Variants in NRXN3 observed in about 807,000 individuals in gnomAD.
The protein encoded by NRXN3 is neurexin 3, also known as neurexin III.
A neutral mutation model predicts 137.6 loss-of-function variants in NRXN3; 32 were observed. The observed-to-expected ratio is 0.23, with a 90% confidence interval of 0.18 to 0.31. The LOEUF (loss-of-function observed/expected upper bound fraction) is 0.31. Ranked by LOEUF, NRXN3 falls within the 10% of genes least tolerant of loss-of-function variation. NRXN3 has a pLI of 1.00. For missense variants in NRXN3, 1,574 were observed against 2,062.5 expected (o/e 0.76, Z 4.59); for synonymous variants, 798 against 784.5 (o/e 1.02, Z -0.29).
intron 15 of NRXN3, among the ~76,000 whole-genome samples, chr14:79,012,151 T>C (rs2099572314): frequency 6.6e-6 from 1 of 152,216 alleles, no homozygotes; most frequent in East Asian, 1.9e-4. Flanking sequence ...ATACCTACTA[T>C]GTGCTGAGCA....
intron 15 of NRXN3, among the ~76,000 whole-genome samples, chr14:79,099,932 G>A (rs980623029): frequency 5.9e-5 from 9 of 152,128 alleles, no homozygotes; most frequent in Admixed American, 1.3e-4. Context: ...GGTCTTGGCC[G>A]TGATGGAAGT....
At chr14:78,628,217 C>T (rs1389430037) in intron 4 of NRXN3, among the ~76,000 whole-genome samples, 1 of 152,080 alleles carries the variant, frequency 6.6e-6, no homozygotes, top group East Asian at 1.9e-4. Flanking sequence ...GGACTATAGA[C>T]ACATGCCACC....
At chr14:78,589,186 C>T (rs1431015478) in intron 4 of NRXN3, among the ~76,000 whole-genome samples, 1 of 152,152 alleles carries the variant, frequency 6.6e-6, no homozygotes, top group African/African-American at 2.4e-5. Flanking sequence ...CGTTTAAGGC[C>T]TTTCTAGACT....
At chr14:78,395,383 G>T (rs2091332693) in intron 4 of NRXN3, among the ~76,000 whole-genome samples, 1 of 151,816 alleles carries the variant, frequency 6.6e-6, no homozygotes, top group Non-Finnish European at 1.5e-5. Context: ...TCTAATGTTG[G>T]TTGGCACATG....
At chr14:78,838,329 T>G (rs2099002708) in intron 10 of NRXN3, among the ~76,000 whole-genome samples, 1 of 152,194 alleles carries the variant, frequency 6.6e-6, no homozygotes, top group South Asian at 2.1e-4. Context: ...ATTACCTCGT[T>G]CTTGTAACAT....
chr14:79,060,542 G>A (rs2099672911), intron 15 of NRXN3, among the ~76,000 whole-genome samples: 1 of 151,152 alleles, frequency 6.6e-6, no homozygotes, highest in Admixed American at 6.6e-5. Flanking sequence ...AAATACTCTA[G>A]TTTTTTTTTA....
intron 1 of NRXN3, among the ~76,000 whole-genome samples, chr14:78,183,679 A>G (rs911983535): frequency 1.3e-5 from 2 of 152,130 alleles, no homozygotes; most frequent in Non-Finnish European, 2.9e-5. Context: ...TCTGACTGAA[A>G]TCTCTTCTGG....
At chr14:79,307,181 T>C (rs1403621631) in intron 15 of NRXN3, among the ~76,000 whole-genome samples, 1 of 152,104 alleles carries the variant, frequency 6.6e-6, no homozygotes, top group Non-Finnish European at 1.5e-5. Flanking sequence ...TTATTACTAC[T>C]ATCCTAATTT....
At chr14:78,832,171 T>C (rs2098984353) in intron 10 of NRXN3, among the ~76,000 whole-genome samples, 1 of 152,084 alleles carries the variant, frequency 6.6e-6, no homozygotes, top group Non-Finnish European at 1.5e-5. Flanking sequence ...GAGCTTTGTC[T>C]CTTGAATCAA....
intron 4 of NRXN3, among the ~76,000 whole-genome samples, chr14:78,447,101 G>T (rs2153702168): frequency 6.6e-6 from 1 of 152,326 alleles, no homozygotes; most frequent in Non-Finnish European, 1.5e-5. Flanking sequence ...AAAGAAGGCT[G>T]GTTTGGGAGT....
At chr14:78,310,239 T>C (rs2077814067) in intron 4 of NRXN3, among the ~76,000 whole-genome samples, 2 of 150,388 alleles carry the variant, frequency 1.3e-5, no homozygotes, top group Admixed American at 6.6e-5. Context: ...TCATTCATCC[T>C]GAGAGTCTGG....
intron 4 of NRXN3, among the ~76,000 whole-genome samples, chr14:78,531,101 G>C (rs1599978214): frequency 6.6e-6 from 1 of 151,512 alleles, no homozygotes; most frequent in African/African-American, 2.4e-5. Context: ...CTTTCTTTTT[G>C]CCCCTTTTAT....
intron 16 of NRXN3, among the ~76,000 whole-genome samples, chr14:79,558,097 A>G (rs190020909): frequency 1.5e-3 from 224 of 152,258 alleles, no homozygotes; most frequent in Middle Eastern, 3.4e-3. Context: ...CAATTCCATC[A>G]TATCTTCAGG....
intron 4 of NRXN3, among the ~76,000 whole-genome samples, chr14:78,422,709 A>G (rs577071931): frequency 3.2e-4 from 48 of 152,346 alleles, no homozygotes; most frequent in African/African-American, 1.2e-3. Flanking sequence ...ACTTTTGGGA[A>G]GTGGCTTTGC....
chr14:78,985,617 C>A (rs2099501371), intron 14 of NRXN3, among the ~76,000 whole-genome samples: 1 of 152,180 alleles, frequency 6.6e-6, no homozygotes, highest in Admixed American at 6.5e-5. Context: ...AATCAACATT[C>A]AAAGAATTAT....
intron 15 of NRXN3, among the ~76,000 whole-genome samples, chr14:79,289,578 C>G (rs2082829398): frequency 6.6e-6 from 1 of 152,046 alleles, no homozygotes; most frequent in Admixed American, 6.6e-5. Flanking sequence ...CAAGATCACG[C>G]CATTGCACTC....
intron 4 of NRXN3, among the ~76,000 whole-genome samples, chr14:78,576,672 A>T (rs953657689): frequency 1.3e-4 from 20 of 152,150 alleles, no homozygotes; most frequent in Admixed American, 5.2e-4. Flanking sequence ...TGTCACATTC[A>T]CTAACATCAC....
chr14:78,731,766 T>G (rs1217814761), intron 8 of NRXN3, among the ~76,000 whole-genome samples: 1 of 151,972 alleles, frequency 6.6e-6, no homozygotes, highest in Non-Finnish European at 1.5e-5. Context: ...AAGTAATTAT[T>G]CTAATTTTTC....
chr14:79,460,508 C>T (rs2096319785), intron 15 of NRXN3, among the ~76,000 whole-genome samples: 1 of 152,108 alleles, frequency 6.6e-6, no homozygotes, highest in Non-Finnish European at 1.5e-5. Context: ...ACTCTGCACA[C>T]CAATTTGAGT....
Sources: allele counts gnomAD v4.1 joint callset (sites outside exome capture counted in the v4.1 genomes callset), GRCh38; gene constraint gnomAD v4.1.1; transcripts MANE v1.5; gene names NCBI Gene and HGNC (gene_info 2026-07-23, HGNC 2026-07-21).